Variants in TMEM165 observed in about 807,000 individuals in gnomAD.
TMEM165 encodes transmembrane protein 165.
Under a neutral mutation model 30.0 loss-of-function variants are expected in TMEM165, and 19 were observed. That is an observed-to-expected ratio of 0.63 (90% CI 0.44 to 0.93). The LOEUF is 0.93. TMEM165 is among the 40% of genes least tolerant of loss of function. TMEM165 has a pLI of 0.00. For missense variants in TMEM165, 340 were observed against 417.0 expected (o/e 0.82, Z 1.61); for synonymous variants, 168 against 162.9 (o/e 1.03, Z -0.24).
chr4:55,418,063 C>G, intron 4 of TMEM165, 78 bp downstream of exon 4: 1 of 1,311,110 alleles, frequency 7.6e-7, no homozygotes, highest in East Asian at 2.4e-5. Flanking sequence ...ACTGGACACA[C>G]TGAAGTGGGC....
At chr4:55,426,451 A>G (rs1263946870), downstream of TMEM165, among the ~76,000 whole-genome samples, 1 of 152,178 alleles carries the variant, frequency 6.6e-6, no homozygotes, top group African/African-American at 2.4e-5. Flanking sequence ...TCATTATGCT[A>G]AGACTACCTC....
At chr4:55,414,104 TAAAA>T (rs971087778) in intron 2 of TMEM165, among the ~76,000 whole-genome samples, 19 of 152,026 alleles carry the variant, frequency 1.2e-4, no homozygotes, top group Non-Finnish European at 2.8e-4. Flanking sequence ...CCGTCTCTAC[TAAAA>T]AAATCCAAAA....
rs1722161852 is a variant in TMEM165 at position 55,425,569 on chromosome 4, T to A, written c.*117T>A. 2.5e-6 allele frequency: 2 copies of A among 784,436 alleles called. No homozygotes were observed. The highest frequency in any genetic ancestry group is 4.1e-6 in the Non-Finnish European group (2 of 490,006). The allele number at this position is 784,436 out of a possible 1,614,324, so 48.6% of individuals were successfully genotyped here. A position where few individuals can be genotyped will look rare whatever the true frequency, so the allele number is the denominator to read the frequency against. On this transcript the variant is annotated 3_prime_UTR_variant, in exon 6 of 6. Coordinates refer to ENST00000381334, the MANE Select transcript of TMEM165 (RefSeq NM_018475.5). ...ACTGTATTTTGTAGCACTGATTTTG[T>A]GAGTTTGACCCATTATTATGTCTGA...
At chr4:55,413,726 C>G (rs538830387) in intron 2 of TMEM165, among the ~76,000 whole-genome samples, 1 of 152,346 alleles carries the variant, frequency 6.6e-6, no homozygotes, top group Middle Eastern at 3.4e-3. Flanking sequence ...TGCCTAGATT[C>G]ACCTGTTGTT....
chr4:55,396,079 G>C lies in TMEM165; in HGVS notation c.-111G>C. 1.1e-6 allele frequency: 1 copy of C among 893,658 alleles called. No homozygotes were observed. Among genetic ancestry groups the C allele is most frequent in the South Asian group, 3.4e-5 (1 of 29,804 alleles). 55.4% of individuals were successfully genotyped at this position (893,658 alleles called of 1,614,324 possible). Reference sequence around the variant, plus strand: ...GATGGTGCTGACTGCTCCCTAAGCGGCGGCGGCGGCGAGTCGTGAGGACGC... The same window carrying C: ...GATGGTGCTGACTGCTCCCTAAGCGCCGGCGGCGGCGAGTCGTGAGGACGC... On this transcript the variant is annotated 5_prime_UTR_variant, in exon 1 of 6. Coordinates refer to ENST00000381334, the MANE Select transcript of TMEM165 (RefSeq NM_018475.5).
chr4:55,435,316 G>C, intron 3 of TMEM165: 3 of 1,419,406 alleles, frequency 2.1e-6, no homozygotes, highest in East Asian at 2.3e-5. Flanking sequence ...TGCATCTCAT[G>C]AAACTGCTGG....
At chr4:55,401,317 G>A (rs1720986963) in intron 1 of TMEM165, among the ~76,000 whole-genome samples, 1 of 150,688 alleles carries the variant, frequency 6.6e-6, no homozygotes, top group African/African-American at 2.5e-5. Flanking sequence ...TATCTTTTCT[G>A]CAGTTTATGT....
At chr4:55,420,995 C>T (rs1034525819) in intron 4 of TMEM165, among the ~76,000 whole-genome samples, 1 of 151,770 alleles carries the variant, frequency 6.6e-6, no homozygotes, top group African/African-American at 2.4e-5. Context: ...GTCAGGAGCT[C>T]GAGACCAGCC....
downstream of TMEM165, chr4:55,430,405 T>C (rs1270448906): frequency 6.6e-6 from 1 of 152,204 alleles, no homozygotes; most frequent in African/African-American, 2.4e-5. Context: ...GAAAAAACTA[T>C]GCAAAACAGT....
At position 55,425,536 on chromosome 4, in the gene TMEM165, G is replaced by T; in HGVS notation, c.*84G>T. 1 of 1,062,838 alleles carries T rather than the reference G, an allele frequency of 9.4e-7. No homozygotes were observed. The highest frequency in any genetic ancestry group is 1.4e-5 in the South Asian group (1 of 69,868). The allele number at this position is 1,062,838 out of a possible 1,614,324, so 65.8% of individuals were successfully genotyped here. ...AGTGTACATTACAACTAAAAGTGAT[G>T]GAAAAATACTGTATTTTGTAGCACT... On this transcript the variant is annotated 3_prime_UTR_variant, in exon 6 of 6. Transcript: ENST00000381334.
chr4:55,448,597 CGCGCGTGTGTGTGTGTGT>C (rs1315529966), intron 3 of TMEM165, among the ~76,000 whole-genome samples: 1 of 72,922 alleles, frequency 1.4e-5, no homozygotes, highest in East Asian at 5.4e-4. Context: ...CGCGCGCACG[CGCGCGTGTGTGTGTGTGT>C]GTGTGTGTGT....
Position 55,425,408 on chromosome 4 carries a change from T to C in TMEM165, c.931T>C (p.Phe311Leu). The C allele has an allele frequency of 6.2e-7, 1 of 1,613,912 alleles. No individual in the cohort carries two copies. The highest frequency in any genetic ancestry group is 1.7e-5 in the Admixed American group (1 of 59,998). Residue 311 changes from phenylalanine to leucine, a missense_variant, in exon 6 of 6, where the codon TTT becomes CTT. Phe to Leu is a conservative substitution (Grantham distance 22, BLOSUM62 0). This residue lies in a region of TMEM165 where 220 missense variants were observed against 307.6 expected (regional missense o/e 0.72). Coordinates refer to ENST00000381334, the MANE Select transcript of TMEM165 (RefSeq NM_018475.5). ...TIIGGIVFLA[F>L]AFSALFISPD... ...CATAGGAGGCATCGTTTTTTTGGCG[T>C]TTGCATTTTCTGCACTATTTATAAG...
intron 3 of TMEM165, chr4:55,435,087 A>G: frequency 2.8e-6 from 1 of 356,952 alleles, no homozygotes; most frequent in East Asian, 6.9e-5. Flanking sequence ...TAACATCATT[A>G]GTGCCTTTCT....
At chr4:55,443,490 A>AG (rs1291619088) in intron 3 of TMEM165, among the ~76,000 whole-genome samples, 1 of 146,656 alleles carries the variant, frequency 6.8e-6, no homozygotes, top group African/African-American at 2.5e-5. Flanking sequence ...AAAAAAAAAG[A>AG]AAAAAAAAAG....
At chr4:55,438,619 T>G in intron 3 of TMEM165, 2 of 1,599,468 alleles carry the variant, frequency 1.3e-6, no homozygotes, top group East Asian at 2.2e-5. Context: ...AATACTTACC[T>G]AAGATAATAC....
chr4:55,405,327 T>C (rs1721226317), intron 1 of TMEM165, among the ~76,000 whole-genome samples: 1 of 152,184 alleles, frequency 6.6e-6, no homozygotes, highest in Non-Finnish European at 1.5e-5. Context: ...TTGGTTTTCT[T>C]TTACATCATT....
intron 1 of TMEM165, among the ~76,000 whole-genome samples, chr4:55,407,590 T>C (rs1253533322): frequency 1.3e-5 from 2 of 152,194 alleles, no homozygotes; most frequent in Admixed American, 1.3e-4. Context: ...GTGGCCTACC[T>C]TTGTGGCTGC....
chr4:55,414,110 A>T (rs1173911126), intron 2 of TMEM165, among the ~76,000 whole-genome samples: 1 of 152,074 alleles, frequency 6.6e-6, no homozygotes, highest in Non-Finnish European at 1.5e-5. Flanking sequence ...CTACTAAAAA[A>T]ATCCAAAAAA....
chr4:55,412,255 A>G, intron 2 of TMEM165: 1 of 251,788 alleles, frequency 4.0e-6, no homozygotes, highest in East Asian at 1.4e-4. Context: ...TTAGCTGGGC[A>G]TGGTAATGTG....
Sources: gnomAD v4.1 joint callset for allele counts (sites outside exome capture counted in the v4.1 genomes callset) on GRCh38, gnomAD v4.1.1 for gene constraint, gnomAD v4.1.1 regional missense constraint, MANE v1.5 for transcripts, NCBI Gene and HGNC (gene_info 2026-07-23, HGNC 2026-07-21) for gene names.